NFIC: variants seen among roughly 807,000 people sequenced by gnomAD.
NFIC encodes the protein nuclear factor I C, also known as nuclear factor 1 C-type.
NFIC carries 12 observed loss-of-function variants against 54.4 expected under a neutral mutation model. The ratio of observed to expected loss-of-function variants is 0.22; its 90% CI spans 0.14 to 0.36. The LOEUF is 0.36. Ranked by LOEUF, NFIC falls within the 10% of genes least tolerant of loss-of-function variation. NFIC has a pLI of 1.00. For missense variants in NFIC, 575 were observed against 718.2 expected (o/e 0.80, Z 2.28); for synonymous variants, 322 against 319.2 (o/e 1.01, Z -0.09).
chr19:3,456,674 A>G (rs1206598159), intron 10 of NFIC, 39 bp downstream of exon 10: 4 of 545,420 alleles, frequency 7.3e-6, no homozygotes, highest in Middle Eastern at 4.4e-4. Flanking sequence ...TGGGAGGGGC[A>G]GGGCAGAGGG....
intron 3 of NFIC, among the ~76,000 whole-genome samples, chr19:3,432,286 A>G (rs4806935): frequency 0.49 from 74,043 of 152,016 alleles, 20,110 homozygotes; most frequent in East Asian, 0.76. Flanking sequence ...GGGGACACTG[A>G]GGGTTTTAAC....
In NFIC at chr19:3,453,097, C is replaced by T. The variant is rs775271044; in HGVS notation, c.1269+431C>T. On this transcript the variant is annotated intron_variant, in intron 8 of 10. Transcript: ENST00000443272. This position sits in a 1 kb window ranked among gnomAD's most constrained non-coding sequence, Gnocchi z 6.7. ...AAAAAAAATACTTAAAAATGAGCCA[C>T]GCATGGTGGCGGGCGCCTGTAGTCC... 7.2e-5 allele frequency among the ~76,000 whole-genome samples: 11 copies of T among 152,090 alleles called. No homozygotes were observed. Among genetic ancestry groups the T allele is most frequent in the Admixed American group, 1.3e-4 (2 of 15,254 alleles).
chr19:3,406,769 A>G (rs1342203022), intron 2 of NFIC, among the ~76,000 whole-genome samples: 1 of 151,980 alleles, frequency 6.6e-6, no homozygotes, highest in Admixed American at 6.6e-5. Flanking sequence ...GGAGGCGAAA[A>G]CTCAAACTTC....
chr19:3,363,460 C>T (rs112446867), upstream of NFIC, among the ~76,000 whole-genome samples: 4,720 of 150,918 alleles, frequency 0.031, 179 homozygotes, highest in African/African-American at 0.086. Flanking sequence ...TTAGTAGAGA[C>T]GGGGTTTCGC....
At chr19:3,409,375 C>T (rs978486560) in intron 2 of NFIC, among the ~76,000 whole-genome samples, 1 of 152,206 alleles carries the variant, frequency 6.6e-6, no homozygotes, top group Non-Finnish European at 1.5e-5. Context: ...CCCTCCAACG[C>T]CGCCCCCAAA....
intron 6 of NFIC, among the ~76,000 whole-genome samples, chr19:3,439,842 C>T (rs1253700701): frequency 6.6e-6 from 1 of 151,546 alleles, no homozygotes; most frequent in Non-Finnish European, 1.5e-5. Flanking sequence ...GCACCCACCA[C>T]CATGCCCGGC....
In NFIC at chr19:3,452,900, C is replaced by T. The variant is rs900113691; in HGVS notation, c.1269+234C>T. On this transcript the variant is annotated intron_variant, in intron 8 of 10. Coordinates refer to ENST00000443272, the MANE Select transcript of NFIC (RefSeq NM_001245002.2). The surrounding 1 kb of genome is among the most constrained non-coding windows in gnomAD (Gnocchi z 5.3). ...CACCCTGTGGGGTCTGGGTAGCACC[C>T]GTAGGTCCCAGCAACTGCGTGAGTC... 2.0e-5 allele frequency among the ~76,000 whole-genome samples: 3 copies of T among 152,128 alleles called. No individual in the cohort carries two copies. Among genetic ancestry groups the T allele is most frequent in the African/African-American group, 7.2e-5 (3 of 41,416 alleles).
At chr19:3,450,185 A>G (rs909202302) in intron 7 of NFIC, among the ~76,000 whole-genome samples, 3 of 151,312 alleles carry the variant, frequency 2.0e-5, no homozygotes, top group Admixed American at 2.0e-4. Flanking sequence ...CTCTACTAAA[A>G]ATACAAAAAA....
intron 1 of NFIC, chr19:3,371,412 G>A (rs1362989977): frequency 6.6e-6 from 1 of 151,206 alleles, no homozygotes; most frequent in African/African-American, 2.4e-5. Context: ...GCAGCCTCCG[G>A]GGAGGCAGGA....
chr19:3,404,702 G>C (rs2081615783), intron 2 of NFIC, among the ~76,000 whole-genome samples: 1 of 152,190 alleles, frequency 6.6e-6, no homozygotes, highest in Admixed American at 6.5e-5. Context: ...ATCTGGAACA[G>C]GGGAAGGGAG....
intron 6 of NFIC, among the ~76,000 whole-genome samples, chr19:3,437,814 G>A (rs1238650785): frequency 2.0e-5 from 3 of 151,996 alleles, no homozygotes; most frequent in Admixed American, 6.6e-5. Context: ...GAGTAGCTGG[G>A]ACTACAGGCG....
Position 3,382,017 on chromosome 19 carries a change from G to A in NFIC, c.336G>A (p.Lys112=), listed in dbSNP as rs2081218461. 2 of 1,613,476 alleles carry A rather than the reference G, an allele frequency of 1.2e-6. No homozygotes were observed. The highest frequency in any genetic ancestry group is 1.7e-6 in the Non-Finnish European group (2 of 1,179,948). The change falls in exon 2 of 11, where the codon AAG becomes AAA. Residue 112 remains lysine (K), a synonymous_variant. Coordinates refer to ENST00000443272, the MANE Select transcript of NFIC (RefSeq NM_001245002.2). ...GCGTGCTCTCCAACCCCGACCAGAA[G>A]GGCAAGATGCGGCGCATCGACTGTC... ...PGCVLSNPDQ[K]GKMRRIDCLR...
At chr19:3,429,132 A>AT (rs1322939958) in intron 3 of NFIC, among the ~76,000 whole-genome samples, 2 of 67,384 alleles carry the variant, frequency 3.0e-5, no homozygotes, top group Non-Finnish European at 2.6e-5. Flanking sequence ...CCAAAAAAAA[A>AT]ATATACACAC....
intron 2 of NFIC, among the ~76,000 whole-genome samples, chr19:3,424,426 G>C (rs2081997259): frequency 6.6e-6 from 1 of 152,046 alleles, no homozygotes; most frequent in South Asian, 2.1e-4. Flanking sequence ...GCCCAGACTG[G>C]ACTGCAGTGG....
intron 10 of NFIC, among the ~76,000 whole-genome samples, chr19:3,460,094 A>AATAC (rs1244309014): frequency 6.6e-6 from 1 of 152,212 alleles, no homozygotes; most frequent in African/African-American, 2.4e-5. Context: ...CCTTGGGTAC[A>AATAC]GCCCCATGCA....
intron 1 of NFIC, among the ~76,000 whole-genome samples, chr19:3,381,395 C>CAAAAAAAAAAAAAAAA (rs71164686): frequency 9.9e-6 from 1 of 100,932 alleles, no homozygotes. Context: ...GACTCCGTCT[C>CAAAAAAAAAAAAAAAA]AAAAAAAAAA....
At chr19:3,434,226 G>C in intron 4 of NFIC, 51 bp from the exon 5 acceptor site, 1 of 1,572,478 alleles carries the variant, frequency 6.4e-7, no homozygotes, top group Non-Finnish European at 8.6e-7. Flanking sequence ...AAAGCAAACC[G>C]CAGCACTGGG....
At position 3,464,241 on chromosome 19, in the gene NFIC, G is replaced by A. The variant is rs1366566233; in HGVS notation, c.*1472G>A. The A allele has an allele frequency of 2.0e-6, 2 of 985,406 alleles. No homozygotes were observed. The highest frequency in any genetic ancestry group is 1.7e-5 in the African/African-American group (1 of 57,340). 61.0% of individuals were successfully genotyped at this position (985,406 alleles called of 1,614,324 possible). A position where few individuals can be genotyped will look rare whatever the true frequency, so the allele number is the denominator to read the frequency against. ...GGGCCCCCAGAGGAGAGAGGAGGCC[G>A]ACGCCAGCGGTCCCCGCTCGGAACG... On this transcript the variant is annotated 3_prime_UTR_variant, in exon 11 of 11. Transcript: ENST00000443272.
rs1471211393 is a variant in NFIC at position 3,366,617 on chromosome 19, C to T, written c.-20C>T. The T allele has an allele frequency of 6.7e-7, 1 of 1,493,506 alleles. No homozygotes were observed. The highest frequency in any genetic ancestry group is 2.6e-5 in the Admixed American group (1 of 38,220). The allele number at this position is 1,493,506 out of a possible 1,614,324, so 92.5% of individuals were successfully genotyped here. ...AGCGCGCCCGCTCCGGCCGGCCCTG[C>T]GCCTCCCGCCGCGCCCGGGATGTAT... On this transcript the variant is annotated 5_prime_UTR_variant, in exon 1 of 11. Coordinates refer to ENST00000443272, the MANE Select transcript of NFIC (RefSeq NM_001245002.2).
Sources: allele counts gnomAD v4.1 joint callset (sites outside exome capture counted in the v4.1 genomes callset), GRCh38; gene constraint gnomAD v4.1.1; non-coding constraint Gnocchi (gnomAD v3.1); transcripts MANE v1.5; gene names NCBI Gene and HGNC (gene_info 2026-07-23, HGNC 2026-07-21).